CNTNAP2: variants seen among roughly 807,000 people sequenced by gnomAD.
CNTNAP2 encodes the protein contactin associated protein 2, also known as contactin-associated protein-like 2.
Under a neutral mutation model 155.2 loss-of-function variants are expected in CNTNAP2, and 98 were observed. The ratio of observed to expected loss-of-function variants is 0.63; its 90% CI spans 0.54 to 0.75. The LOEUF (loss-of-function observed/expected upper bound fraction) is 0.75, where lower values mean the gene tolerates loss of function less well. Ranked by LOEUF, CNTNAP2 falls within the 30% of genes least tolerant of loss-of-function variation. The pLI is 0.00. For missense variants in CNTNAP2, 1,727 were observed against 1,688.1 expected (o/e 1.02, Z -0.40); for synonymous variants, 651 against 631.2 (o/e 1.03, Z -0.47).
At chr7:146,799,642 T>A (rs1260722410) in intron 2 of CNTNAP2, among the ~76,000 whole-genome samples, 1 of 152,244 alleles carries the variant, frequency 6.6e-6, no homozygotes. Flanking sequence ...TATACTTTAT[T>A]ACTCTGCAAG....
chr7:147,910,768 G>T (rs1800049817), intron 14 of CNTNAP2, among the ~76,000 whole-genome samples: 1 of 152,084 alleles, frequency 6.6e-6, no homozygotes, highest in South Asian at 2.1e-4. Flanking sequence ...CAGTATGGGG[G>T]ATACCACCCC....
intron 1 of CNTNAP2, among the ~76,000 whole-genome samples, chr7:146,418,994 T>C (rs1267447153): frequency 6.6e-6 from 1 of 152,146 alleles, no homozygotes; most frequent in Non-Finnish European, 1.5e-5. Context: ...AATTTTGCAC[T>C]TCTAGCCTTT....
chr7:148,329,025 A>G (rs916021452), intron 21 of CNTNAP2, among the ~76,000 whole-genome samples: 2 of 147,228 alleles, frequency 1.4e-5, no homozygotes, highest in African/African-American at 5.1e-5. Context: ...CAGGGAATTC[A>G]GTTCAAGCCA....
chr7:147,395,343 T>C (rs1796796196), intron 9 of CNTNAP2, among the ~76,000 whole-genome samples: 1 of 152,006 alleles, frequency 6.6e-6, no homozygotes, highest in Non-Finnish European at 1.5e-5. Flanking sequence ...AGAAAGATGA[T>C]GTCAAAAGAG....
intron 2 of CNTNAP2, among the ~76,000 whole-genome samples, chr7:146,775,493 G>C (rs555538611): frequency 2.0e-5 from 3 of 147,932 alleles, no homozygotes; most frequent in East Asian, 4.1e-4. Context: ...AAACAATCTA[G>C]AATCAACCAA....
intron 1 of CNTNAP2, among the ~76,000 whole-genome samples, chr7:146,305,008 A>T (rs1004761274): frequency 6.6e-6 from 1 of 151,638 alleles, no homozygotes; most frequent in Non-Finnish European, 1.5e-5. Context: ...TTCTCACTTC[A>T]TTTCATTCAT....
intron 1 of CNTNAP2, among the ~76,000 whole-genome samples, chr7:146,321,148 AGGAAAACAGTGGG>A (rs1800994157): frequency 1.3e-5 from 2 of 152,250 alleles, no homozygotes; most frequent in Admixed American, 1.3e-4. Flanking sequence ...TGCGCTTATT[AGGAAAACAGTGGG>A]GTAAAATAGG....
chr7:147,478,103 A>G (rs1350291231), intron 10 of CNTNAP2, among the ~76,000 whole-genome samples: 4 of 149,460 alleles, frequency 2.7e-5, no homozygotes, highest in Non-Finnish European at 5.9e-5. Context: ...CTGCAGTCCT[A>G]TTTTAGTTAG....
chr7:148,229,810 T>C, intron 20 of CNTNAP2, 31 bp downstream of exon 20: 2 of 1,612,800 alleles, frequency 1.2e-6, no homozygotes, highest in Non-Finnish European at 1.7e-6. Flanking sequence ...AAATTACATA[T>C]AATATCGCAT....
chr7:146,409,077 T>C (rs1795832524), intron 1 of CNTNAP2, among the ~76,000 whole-genome samples: 1 of 152,226 alleles, frequency 6.6e-6, no homozygotes, highest in African/African-American at 2.4e-5. Flanking sequence ...TTTTGTATTT[T>C]ACTCTATATT....
chr7:147,956,219 A>G (rs1801014108), intron 14 of CNTNAP2, among the ~76,000 whole-genome samples: 1 of 151,802 alleles, frequency 6.6e-6, no homozygotes, highest in Non-Finnish European at 1.5e-5. Flanking sequence ...ATGAGTGAAT[A>G]TTTATGTGTA....
intron 13 of CNTNAP2, among the ~76,000 whole-genome samples, chr7:147,690,525 A>C (rs187559308): frequency 5.3e-5 from 8 of 152,280 alleles, no homozygotes; most frequent in African/African-American, 1.9e-4. Context: ...CTCTTGCTTC[A>C]TGAAGTTTAT....
intron 21 of CNTNAP2, among the ~76,000 whole-genome samples, chr7:148,332,353 G>C (rs192594297): frequency 6.2e-4 from 94 of 152,190 alleles, no homozygotes; most frequent in African/African-American, 2.1e-3. Flanking sequence ...TTTATTCTTA[G>C]GATAATAGGA....
chr7:147,119,381 A>C (rs1200026951), intron 5 of CNTNAP2, among the ~76,000 whole-genome samples: 1 of 152,182 alleles, frequency 6.6e-6, no homozygotes, highest in Non-Finnish European at 1.5e-5. Context: ...ACTGGAATTT[A>C]CAACAGCCAG....
intron 3 of CNTNAP2, among the ~76,000 whole-genome samples, chr7:146,933,414 T>A (rs1027393311): frequency 6.6e-6 from 1 of 151,422 alleles, no homozygotes; most frequent in Admixed American, 6.6e-5. Context: ...GAACCCTTCC[T>A]TATACCTTAT....
In CNTNAP2 at chr7:147,655,126, CT is replaced by C. The variant is rs901814580; in HGVS notation, c.2098+15826del. On this transcript the variant is annotated intron_variant, in intron 13 of 23. Transcript: ENST00000361727. Reference sequence around the variant, plus strand: ...CCATGCCTGGCCCATATTTCTTTTTCTTTTTTCTTTTTTCAAGGCAGAGTCT... The same window carrying C: ...CCATGCCTGGCCCATATTTCTTTTTCTTTTTCTTTTTTCAAGGCAGAGTCT... 4.5e-4 allele frequency among the ~76,000 whole-genome samples: 63 copies of C among 139,198 alleles called. 1 individual carries two copies. The highest frequency in any genetic ancestry group is 1.5e-3 in the African/African-American group (56 of 36,932). 91.3% of individuals were successfully genotyped at this position (139,198 alleles called of 152,430 possible). A position where few individuals can be genotyped will look rare whatever the true frequency, so the allele number is the denominator to read the frequency against.
At chr7:147,776,606 G>A (rs373081374) in intron 13 of CNTNAP2, among the ~76,000 whole-genome samples, 2 of 151,960 alleles carry the variant, frequency 1.3e-5, no homozygotes, top group East Asian at 3.9e-4. Context: ...ACCATTAGAA[G>A]AAATATTTTC....
Position 148,181,292 on chromosome 7 carries a change from C to G in CNTNAP2, c.3010+8814C>G, listed in dbSNP as rs984979758. ...ATCTATATAGTCTGTTGATTATGTC[C>G]CTCTAGAGAGAACCCTAATACCATA... On this transcript the variant is annotated intron_variant, in intron 18 of 23. Coordinates refer to ENST00000361727, the MANE Select transcript of CNTNAP2 (RefSeq NM_014141.6). 1.5e-4 allele frequency among the ~76,000 whole-genome samples: 23 copies of G among 152,068 alleles called. 2 individuals carry two copies. Among genetic ancestry groups the G allele is most frequent in the Admixed American group, 1.5e-3 (23 of 15,272 alleles).
intron 15 of CNTNAP2, among the ~76,000 whole-genome samples, chr7:148,098,677 A>C (rs949460853): frequency 1.3e-5 from 2 of 152,038 alleles, no homozygotes; most frequent in African/African-American, 4.8e-5. Flanking sequence ...TCTTTAAAAA[A>C]ATTTTTTAAA....
Sources: allele counts gnomAD v4.1 joint callset (sites outside exome capture counted in the v4.1 genomes callset), GRCh38; gene constraint gnomAD v4.1.1; transcripts MANE v1.5; gene names NCBI Gene and HGNC (gene_info 2026-07-23, HGNC 2026-07-21).